The following SNX29 variants were observed in gnomAD, a reference collection of about 807,000 sequenced individuals.
SNX29 encodes the protein sorting nexin 29.
SNX29 carries 78 observed loss-of-function variants against 102.1 expected under a neutral mutation model. The ratio of observed to expected loss-of-function variants is 0.76; its 90% confidence interval spans 0.64 to 0.92. SNX29 has a LOEUF of 0.92. Among genes scored for constraint, SNX29 ranks in the 40% least tolerant of loss-of-function variants. The pLI, the probability that SNX29 is intolerant of heterozygous loss-of-function variation, is 0.00. For missense variants in SNX29, 1,280 were observed against 1,061.7 expected (o/e 1.21, Z -2.86); for synonymous variants, 580 against 414.5 (o/e 1.40, Z -4.85).
At chr16:12,320,612 A>G (rs1596895396) in intron 15 of SNX29, among the ~76,000 whole-genome samples, 1 of 152,188 alleles carries the variant, frequency 6.6e-6, no homozygotes, top group South Asian at 2.1e-4. Flanking sequence ...CATCCCTTCT[A>G]GAATGTTCTG....
chr16:12,343,704 C>G (rs546808088), intron 15 of SNX29, among the ~76,000 whole-genome samples: 17 of 150,450 alleles, frequency 1.1e-4, no homozygotes, highest in African/African-American at 4.3e-4. Flanking sequence ...AGATAGGGAG[C>G]TCTGTGAGGG....
chr16:11,996,604 G>A (rs1023664619), intron 1 of SNX29, among the ~76,000 whole-genome samples: 2 of 152,162 alleles, frequency 1.3e-5, no homozygotes, highest in African/African-American at 4.8e-5. Context: ...TTTCCAGTGC[G>A]GGGAACCCTG....
At chr16:12,190,408 T>G (rs2076613328) in intron 13 of SNX29, among the ~76,000 whole-genome samples, 1 of 152,168 alleles carries the variant, frequency 6.6e-6, no homozygotes, top group South Asian at 2.1e-4. Context: ...CCAGGGGTAT[T>G]AAAGTATGAG....
At chr16:12,212,379 C>T (rs2077209383) in intron 14 of SNX29, among the ~76,000 whole-genome samples, 1 of 151,914 alleles carries the variant, frequency 6.6e-6, no homozygotes, top group Non-Finnish European at 1.5e-5. Flanking sequence ...TGGACCTGCT[C>T]TTTGTCCTTG....
At chr16:12,449,644 C>A (rs988027890) in intron 18 of SNX29, among the ~76,000 whole-genome samples, 1 of 152,172 alleles carries the variant, frequency 6.6e-6, no homozygotes, top group Non-Finnish European at 1.5e-5. Context: ...CTGTTTTCTG[C>A]ATTTAGAAGT....
chr16:12,553,844 C>T (rs1004666613), intron 20 of SNX29, among the ~76,000 whole-genome samples: 4 of 147,470 alleles, frequency 2.7e-5, no homozygotes, highest in Admixed American at 6.6e-5. Flanking sequence ...CCTAGGTCTA[C>T]CGAAAGTGCT....
chr16:12,363,390 C>T (rs1395563060), intron 16 of SNX29, among the ~76,000 whole-genome samples: 1 of 152,216 alleles, frequency 6.6e-6, no homozygotes, highest in Non-Finnish European at 1.5e-5. Context: ...TCCCTGACCA[C>T]ACTGGATTAG....
At chr16:12,131,916 G>T (rs1168387232) in intron 13 of SNX29, among the ~76,000 whole-genome samples, 1 of 152,202 alleles carries the variant, frequency 6.6e-6, no homozygotes, top group Non-Finnish European at 1.5e-5. Flanking sequence ...ATCAAAGACA[G>T]TTTAATGACT....
At chr16:12,493,241 G>A (rs987651474) in intron 19 of SNX29, among the ~76,000 whole-genome samples, 3 of 152,100 alleles carry the variant, frequency 2.0e-5, no homozygotes, top group Non-Finnish European at 4.4e-5. Flanking sequence ...TCCTTGAAGA[G>A]GTCCTTCACA....
intron 15 of SNX29, among the ~76,000 whole-genome samples, chr16:12,305,539 C>T (rs151126478): frequency 6.6e-6 from 1 of 152,228 alleles, no homozygotes; most frequent in East Asian, 1.9e-4. Flanking sequence ...AATCAGTGGT[C>T]CTGAGCCTGT....
chr16:12,438,104 C>G (rs1046550711), intron 18 of SNX29, among the ~76,000 whole-genome samples: 9 of 152,084 alleles, frequency 5.9e-5, no homozygotes, highest in African/African-American at 2.2e-4. Context: ...AGAGATTCAC[C>G]TCTTGGCCTA....
At chr16:12,127,392 C>G (rs747708430) in intron 12 of SNX29, among the ~76,000 whole-genome samples, 1 of 151,832 alleles carries the variant, frequency 6.6e-6, no homozygotes, top group Non-Finnish European at 1.5e-5. Context: ...AGTCCTATAC[C>G]CTTTAATTAT....
intron 3 of SNX29, among the ~76,000 whole-genome samples, chr16:12,013,796 C>T (rs1048797970): frequency 1.1e-4 from 17 of 148,932 alleles, no homozygotes; most frequent in African/African-American, 4.0e-4. Context: ...AGGTACATGC[C>T]GCCATACCCG....
At chr16:12,500,159 T>TA (rs1019485667) in intron 19 of SNX29, among the ~76,000 whole-genome samples, 2 of 112,582 alleles carry the variant, frequency 1.8e-5, no homozygotes, top group African/African-American at 6.5e-5. Context: ...ACCTAGCTAA[T>TA]TTTTTTTCTG....
chr16:12,293,457 C>T (rs2151071077), intron 15 of SNX29, among the ~76,000 whole-genome samples: 1 of 152,304 alleles, frequency 6.6e-6, no homozygotes, highest in South Asian at 2.1e-4. Context: ...ATTAGCCAGC[C>T]TGCGGTAGAG....
In SNX29 at chr16:12,098,355, C is replaced by T. The variant is rs2052857760; in HGVS notation, c.1402+19440C>T. On this transcript the variant is annotated intron_variant, in intron 11 of 20. Coordinates refer to ENST00000566228, the MANE Select transcript of SNX29 (RefSeq NM_032167.5). This position sits in a 1 kb window ranked among gnomAD's most constrained non-coding sequence, Gnocchi z 6.0. ...TTCTCTTCCACTCCCACATCAGCCA[C>T]CTTGCTCCCCGTCCAGGACTCTAAC... 1.3e-5 allele frequency among the ~76,000 whole-genome samples: 2 copies of T among 152,362 alleles called. No individual in the cohort carries two copies. The highest frequency in any genetic ancestry group is 2.9e-5 in the Non-Finnish European group (2 of 68,036).
chr16:12,021,894 A>G (rs966073141), intron 3 of SNX29, among the ~76,000 whole-genome samples: 1 of 151,868 alleles, frequency 6.6e-6, no homozygotes, highest in African/African-American at 2.4e-5. Context: ...CCATCTCAAA[A>G]AAAAAAAAAA....
chr16:12,180,305 G>A (rs1033983187), intron 13 of SNX29, among the ~76,000 whole-genome samples: 3 of 152,018 alleles, frequency 2.0e-5, no homozygotes, highest in Admixed American at 6.6e-5. Flanking sequence ...CATTTTTCTG[G>A]TTCTGGCGTA....
At chr16:12,481,379 T>TAC (rs2087898735) in intron 19 of SNX29, among the ~76,000 whole-genome samples, 1 of 145,170 alleles carries the variant, frequency 6.9e-6, no homozygotes. Context: ...TTGTCTTTTA[T>TAC]ACATATATAT....
Sources: allele counts gnomAD v4.1 joint callset (sites outside exome capture counted in the v4.1 genomes callset), GRCh38; gene constraint gnomAD v4.1.1; non-coding constraint Gnocchi (gnomAD v3.1); transcripts MANE v1.5; gene names NCBI Gene and HGNC (gene_info 2026-07-23, HGNC 2026-07-21).